NALF1: variants seen among roughly 807,000 people sequenced by gnomAD.
NALF1 encodes NALCN channel auxiliary factor 1, also known as family with sequence similarity 155 member A.
Under a neutral mutation model 48.4 loss-of-function variants are expected in NALF1, and 3 were observed. The ratio of observed to expected loss-of-function variants is 0.06; its 90% CI spans 0.03 to 0.16. NALF1 has a LOEUF of 0.16. NALF1 is among the 10% of genes least tolerant of loss of function. The pLI is 1.00. For missense variants in NALF1, 526 were observed against 571.5 expected (o/e 0.92, Z 0.81); for synonymous variants, 262 against 245.7 (o/e 1.07, Z -0.62).
intron 1 of NALF1, among the ~76,000 whole-genome samples, chr13:107,309,284 C>T (rs1384715076): frequency 6.6e-6 from 1 of 152,218 alleles, no homozygotes; most frequent in Non-Finnish European, 1.5e-5. Flanking sequence ...AAGACTTGGA[C>T]AAAGTGTTCT....
chr13:107,798,609 A>AT (rs1294018397), intron 1 of NALF1, among the ~76,000 whole-genome samples: 1 of 152,166 alleles, frequency 6.6e-6, no homozygotes, highest in African/African-American at 2.4e-5. Flanking sequence ...TAAGAAGCAG[A>AT]TTAACAAGTG....
At chr13:107,646,243 T>C (rs970984346) in intron 1 of NALF1, among the ~76,000 whole-genome samples, 18 of 151,484 alleles carry the variant, frequency 1.2e-4, no homozygotes, top group African/African-American at 3.6e-4. Context: ...TAACACTTCC[T>C]ATCCTGTACT....
chr13:107,288,288 C>G (rs1432542371), intron 1 of NALF1, among the ~76,000 whole-genome samples: 1 of 144,446 alleles, frequency 6.9e-6, no homozygotes, highest in Non-Finnish European at 1.5e-5. Context: ...GGCGCGATCT[C>G]GGCTCACTGC....
chr13:107,796,498 A>G (rs555301817), intron 1 of NALF1, among the ~76,000 whole-genome samples: 32 of 152,320 alleles, frequency 2.1e-4, no homozygotes, highest in Admixed American at 6.5e-4. Flanking sequence ...TTCACTGGTC[A>G]AGATTTAATT....
intron 1 of NALF1, among the ~76,000 whole-genome samples, chr13:107,575,732 G>A (rs1008040240): frequency 6.6e-6 from 1 of 151,924 alleles, no homozygotes; most frequent in Non-Finnish European, 1.5e-5. Context: ...AGTGGGAGAG[G>A]GTGTGTGAAA....
chr13:107,316,532 T>C (rs1882153899), intron 1 of NALF1, among the ~76,000 whole-genome samples: 1 of 152,208 alleles, frequency 6.6e-6, no homozygotes, highest in Non-Finnish European at 1.5e-5. Context: ...AAAGTGTTCC[T>C]ATTTCTCCAC....
intron 1 of NALF1, among the ~76,000 whole-genome samples, chr13:107,250,531 A>C (rs1461056141): frequency 1.3e-5 from 2 of 152,186 alleles, no homozygotes; most frequent in Non-Finnish European, 2.9e-5. Flanking sequence ...TGGATGATAG[A>C]GATATGTGAT....
intron 1 of NALF1, among the ~76,000 whole-genome samples, chr13:107,658,585 G>C (rs999603052): frequency 6.6e-6 from 1 of 151,878 alleles, no homozygotes; most frequent in African/African-American, 2.4e-5. Context: ...AATAGTCCAG[G>C]GGCATTTTCA....
chr13:107,437,225 A>T (rs1884476733), intron 1 of NALF1, among the ~76,000 whole-genome samples: 1 of 152,182 alleles, frequency 6.6e-6, no homozygotes, highest in African/African-American at 2.4e-5. Context: ...TATTTAAAAA[A>T]CAAAAACGAA....
chr13:107,253,507 A>G (rs573435740), intron 1 of NALF1, among the ~76,000 whole-genome samples: 1 of 152,248 alleles, frequency 6.6e-6, no homozygotes, highest in East Asian at 1.9e-4. Context: ...TGAGCTGGGG[A>G]AAGTCCTCTC....
At chr13:107,467,962 G>C (rs1885034150) in intron 1 of NALF1, among the ~76,000 whole-genome samples, 1 of 151,712 alleles carries the variant, frequency 6.6e-6, no homozygotes, top group African/African-American at 2.4e-5. Flanking sequence ...GCAGGAGAAT[G>C]GCGTGAACCC....
At chr13:107,199,954 C>T (rs906572815) in intron 2 of NALF1, among the ~76,000 whole-genome samples, 1 of 151,914 alleles carries the variant, frequency 6.6e-6, no homozygotes, top group Non-Finnish European at 1.5e-5. Context: ...CACCACAGAG[C>T]TTCTTCTTGC....
intron 1 of NALF1, among the ~76,000 whole-genome samples, chr13:107,433,135 T>G (rs1256443374): frequency 1.3e-5 from 2 of 152,210 alleles, no homozygotes; most frequent in Non-Finnish European, 2.9e-5. Context: ...TAAGGAGGCA[T>G]CTTATCAAAA....
intron 1 of NALF1, among the ~76,000 whole-genome samples, chr13:107,259,591 T>C (rs958683267): frequency 6.6e-6 from 1 of 152,182 alleles, no homozygotes; most frequent in Non-Finnish European, 1.5e-5. Flanking sequence ...GAAAAGGGAA[T>C]GAACAAATCA....
intron 1 of NALF1, among the ~76,000 whole-genome samples, chr13:107,750,614 A>G (rs1210618279): frequency 1.3e-5 from 2 of 152,136 alleles, no homozygotes; most frequent in Non-Finnish European, 2.9e-5. Context: ...AAGAGCAACA[A>G]ATGAAACAAA....
intron 1 of NALF1, among the ~76,000 whole-genome samples, chr13:107,703,762 TA>T (rs1322215247): frequency 2.0e-5 from 3 of 152,136 alleles, no homozygotes; most frequent in African/African-American, 7.2e-5. Flanking sequence ...TCTGGAACTT[TA>T]GTAAACCTGC....
At chr13:107,434,646 A>T (rs967660899) in intron 1 of NALF1, among the ~76,000 whole-genome samples, 3 of 152,258 alleles carry the variant, frequency 2.0e-5, no homozygotes, top group African/African-American at 7.2e-5. Context: ...TCACAGCGGA[A>T]GAAAACATGA....
intron 1 of NALF1, among the ~76,000 whole-genome samples, chr13:107,684,266 C>T (rs2138498657): frequency 1.3e-5 from 2 of 152,322 alleles, no homozygotes; most frequent in Admixed American, 1.3e-4. Context: ...TATCCTTGAC[C>T]TTGCTAAGGG....
intron 1 of NALF1, among the ~76,000 whole-genome samples, chr13:107,356,288 A>G (rs1246672025): frequency 1.3e-5 from 2 of 152,370 alleles, no homozygotes; most frequent in East Asian, 1.9e-4. Context: ...ATCTGAATCT[A>G]TGTCAGATTT....
Sources: allele counts gnomAD v4.1 joint callset (sites outside exome capture counted in the v4.1 genomes callset), GRCh38; gene constraint gnomAD v4.1.1; transcripts MANE v1.5; gene names NCBI Gene and HGNC (gene_info 2026-07-23, HGNC 2026-07-21).